SMU1: variants seen among roughly 807,000 people sequenced by gnomAD.
The protein encoded by SMU1 is WD40 repeat-containing protein SMU1.
In SMU1, 2 loss-of-function variants were observed where a neutral mutation model predicts 62.0. The ratio of observed to expected loss-of-function variants is 0.03; its 90% CI spans 0.01 to 0.10. The LOEUF is 0.10. Among genes scored for constraint, SMU1 ranks in the 10% least tolerant of loss-of-function variants. The probability of loss-of-function intolerance (pLI) is 1.00; values close to 1 mark genes in which losing one functional copy is unlikely to be tolerated. For synonymous variants in SMU1, 188 were observed against 212.4 expected (o/e 0.89, Z 1.00); for missense variants, 227 against 622.1 (o/e 0.36, Z 6.76).
rs536671700 is a variant in SMU1, at chr9:33,065,851, A to G, written c.501+2973T>C. ...TCCTAGGCTCTGAAAATCTCAGTAG[A>G]GCTGAGGACAGGGTGGAGGTGAGAA... On this transcript the variant is annotated intron_variant, in intron 4 of 11. Coordinates refer to ENST00000397149, the MANE Select transcript of SMU1 (RefSeq NM_018225.3). Among the ~76,000 whole-genome samples the G allele has an allele frequency of 5.9e-5, 9 of 152,264 alleles. No individual in the cohort carries two copies. The Middle Eastern group carries it at 0.017, about 288-fold the overall frequency.
At position 33,046,984 on chromosome 9, in the gene SMU1, C is replaced by T. The variant is rs1413844232; in HGVS notation, c.*309G>A. On this transcript the variant is annotated 3_prime_UTR_variant, in exon 12 of 12. Coordinates refer to ENST00000397149, the MANE Select transcript of SMU1 (RefSeq NM_018225.3). The stretch of plus-strand genomic sequence containing the variant: ...TTTACTATGGGAGGGACATTTTCCT[C>T]AGCATTTCAAATAATCAGAGGAGTA... The T allele has an allele frequency of 1.9e-5, 4 of 214,818 alleles. No individual in the cohort carries two copies. Among genetic ancestry groups the T allele is most frequent in the African/African-American group, 2.3e-5 (1 of 42,694 alleles). 13.3% of individuals were successfully genotyped at this position (214,818 alleles called of 1,614,324 possible).
rs1366801651 is a variant in SMU1 at position 33,044,244 on chromosome 9, T to C, written c.*3049A>G. 1 of 152,368 alleles carries C rather than the reference T, an allele frequency of 6.6e-6. No individual in the cohort carries two copies. The allele number at this position is 152,368 out of a possible 1,614,324, so 9.4% of individuals were successfully genotyped here. On this transcript the variant is annotated 3_prime_UTR_variant, in exon 12 of 12. Transcript: ENST00000397149. ...CAATTCAGAAGGAAGTGAGCACTGA[T>C]TCCCGGCAGCCAACTCCCGTTCGCG...
At chr9:33,074,533 C>T (rs1373504773) in intron 1 of SMU1, among the ~76,000 whole-genome samples, 1 of 152,038 alleles carries the variant, frequency 6.6e-6, no homozygotes, top group African/African-American at 2.4e-5. Context: ...TTGCTTGTAT[C>T]CATAAGGTTG....
intron 10 of SMU1, among the ~76,000 whole-genome samples, chr9:33,052,898 T>A (rs1274222714): frequency 2.0e-5 from 3 of 152,244 alleles, no homozygotes; most frequent in African/African-American, 7.2e-5. Context: ...ATCCGAAGGA[T>A]GAAAGTGCTT....
chr9:33,054,852 G>A (rs978490480), intron 9 of SMU1, among the ~76,000 whole-genome samples: 1 of 152,276 alleles, frequency 6.6e-6, no homozygotes, highest in Non-Finnish European at 1.5e-5. Context: ...GAACATTTCA[G>A]GAATTAAGAA....
At position 33,074,455 on chromosome 9, in the gene SMU1, A is replaced by C. The variant is rs552020738; in HGVS notation, c.27-649T>G. On this transcript the variant is annotated intron_variant, in intron 1 of 11. Transcript: ENST00000397149. ...CTCTACACACACACACACACAAAAAAAAAAATTAGCTAGGCATGATAGTGT... is the reference window on the plus strand; with the variant it reads ...CTCTACACACACACACACACAAAAACAAAAATTAGCTAGGCATGATAGTGT... Among the ~76,000 whole-genome samples, 826 of 151,742 alleles carry C rather than the reference A, an allele frequency of 5.4e-3. 7 individuals are homozygous for C. The highest frequency in any genetic ancestry group is 0.019 in the African/African-American group (768 of 41,468).
rs1839130283 is a variant in SMU1 at position 33,041,920 on chromosome 9, CAG to C, written c.*5371_*5372del. On this transcript the variant is annotated 3_prime_UTR_variant, in exon 12 of 12. Coordinates refer to ENST00000397149, the MANE Select transcript of SMU1 (RefSeq NM_018225.3). ...TTAGACAAATGCATTGAGGCAGAAA[CAG>C]TACCAAAGGCTGAGGGGAAGGGAAG... 6.6e-6 allele frequency: 1 copy of C among 152,092 alleles called. No homozygotes were observed. Among genetic ancestry groups the C allele is most frequent in the South Asian group, 2.1e-4 (1 of 4,832 alleles). The allele number at this position is 152,092 out of a possible 1,614,324, so 9.4% of individuals were successfully genotyped here. A position where few individuals can be genotyped will look rare whatever the true frequency, so the allele number is the denominator to read the frequency against.
intron 4 of SMU1, 37 bp downstream of exon 4, chr9:33,068,787 G>A (rs1360002107): frequency 4.4e-6 from 7 of 1,607,950 alleles, no homozygotes; most frequent in South Asian, 3.3e-5. Context: ...TGACAGGTGT[G>A]AGCCACCACA....
rs141860541 is a variant in SMU1 at position 33,047,212 on chromosome 9, C to CCA, written c.*80_*81insTG. Reference sequence around the variant, plus strand: ...CAATCTATTTGCTTAGAAAAGCTGGCAAAAAAAAAAAAAAGCACATTACAT... The same window carrying CCA: ...CAATCTATTTGCTTAGAAAAGCTGGCCAAAAAAAAAAAAAAAGCACATTACAT... On this transcript the variant is annotated 3_prime_UTR_variant, in exon 12 of 12. Coordinates refer to ENST00000397149, the MANE Select transcript of SMU1 (RefSeq NM_018225.3). 2.7e-4 allele frequency: 173 copies of CCA among 645,882 alleles called. 1 individual carries two copies. Among genetic ancestry groups the CCA allele is most frequent in the African/African-American group, 1.7e-3 (78 of 45,446 alleles). The allele number at this position is 645,882 out of a possible 1,614,324, so 40.0% of individuals were successfully genotyped here. A position where few individuals can be genotyped will look rare whatever the true frequency, so the allele number is the denominator to read the frequency against.
At chr9:33,058,169 T>A (rs1839322124) in intron 6 of SMU1, among the ~76,000 whole-genome samples, 1 of 152,230 alleles carries the variant, frequency 6.6e-6, no homozygotes, top group Non-Finnish European at 1.5e-5. Flanking sequence ...ATTACTTTTC[T>A]TATTTTTTTC....
intron 7 of SMU1, 111 bp from the exon 8 acceptor site, chr9:33,057,075 T>A: frequency 1.8e-6 from 2 of 1,124,670 alleles, no homozygotes; most frequent in Non-Finnish European, 2.5e-6. Flanking sequence ...GAAACAGCAT[T>A]AAAAATGCAC....
In SMU1 at chr9:33,051,148, T is replaced by A. The variant is rs868569855; in HGVS notation, c.1290+1975A>T. Among the ~76,000 whole-genome samples, 861 of 148,202 alleles carry A rather than the reference T, an allele frequency of 5.8e-3. 108 individuals are homozygous for A. The highest frequency in any genetic ancestry group is 0.014 in the Middle Eastern group (4 of 286). ...AAAAAAAAAAAAATAAAAATAAAAA[T>A]AAAAAATAAGCTATCAAACCATGAA... On this transcript the variant is annotated intron_variant, in intron 10 of 11. Transcript: ENST00000397149.
chr9:33,076,438 C>CG, intron 1 of SMU1, 145 bp downstream of exon 1: 1 of 995,142 alleles, frequency 1.0e-6, no homozygotes, highest in Admixed American at 1.9e-5. Flanking sequence ...TCCGAGGTAG[C>CG]GAGATCCAAG....
At chr9:33,066,470 T>C (rs1184537341) in intron 4 of SMU1, among the ~76,000 whole-genome samples, 1 of 136,710 alleles carries the variant, frequency 7.3e-6, no homozygotes. Context: ...CAGGATAGTC[T>C]GGGCAACACA....
In SMU1 at chr9:33,062,851, T is replaced by C. The variant is rs1046692963; in HGVS notation, c.502-674A>G. Among the ~76,000 whole-genome samples, 5 of 152,304 alleles carry C rather than the reference T, an allele frequency of 3.3e-5. No homozygotes were observed. In the South Asian group the frequency reaches 1.0e-3, roughly 32 times the overall value. On this transcript the variant is annotated intron_variant, in intron 4 of 11. Coordinates refer to ENST00000397149, the MANE Select transcript of SMU1 (RefSeq NM_018225.3). ...AAATTACCAAATCCAAAAAAGAACA[T>C]GAATGGTTAAGGCTCTTGATATATT... is the stretch of plus-strand genomic sequence containing the variant.
intron 3 of SMU1, among the ~76,000 whole-genome samples, chr9:33,070,172 CA>C (rs1839471005): frequency 6.6e-6 from 1 of 152,060 alleles, no homozygotes. Context: ...GGAGCTCAAA[CA>C]ACTCTACGGG....
chr9:33,057,966 A>AT (rs530246912), intron 6 of SMU1, among the ~76,000 whole-genome samples: 2 of 152,118 alleles, frequency 1.3e-5, no homozygotes, highest in African/African-American at 2.4e-5. Flanking sequence ...TTCCTTACTG[A>AT]TTTTTTTCTA....
chr9:33,071,503 C>T (rs1347799841), intron 3 of SMU1, among the ~76,000 whole-genome samples: 2 of 152,070 alleles, frequency 1.3e-5, no homozygotes, highest in Non-Finnish European at 2.9e-5. Context: ...CTAACCAACA[C>T]GCAATCCTCT....
chr9:33,060,205 G>A (rs1013237063), intron 6 of SMU1, among the ~76,000 whole-genome samples: 8 of 152,002 alleles, frequency 5.3e-5, no homozygotes, highest in African/African-American at 9.7e-5. Flanking sequence ...TGGTAGAGAC[G>A]CGGTCTCACT....
Sources: allele counts gnomAD v4.1 joint callset (sites outside exome capture counted in the v4.1 genomes callset), GRCh38; gene constraint gnomAD v4.1.1; transcripts MANE v1.5; gene names NCBI Gene and HGNC (gene_info 2026-07-23, HGNC 2026-07-21).